The following CNTRL variants were observed in gnomAD, a reference collection of about 807,000 sequenced individuals.
CNTRL encodes the protein centriolin.
In CNTRL, 233 loss-of-function variants were observed where a neutral mutation model predicts 303.7. The observed-to-expected ratio is 0.77, with a 90% CI of 0.69 to 0.86. The LOEUF (loss-of-function observed/expected upper bound fraction) is 0.86, where lower values mean the gene tolerates loss of function less well. Among genes scored for constraint, CNTRL ranks in the 40% least tolerant of loss-of-function variants. The pLI is 0.00. For missense variants in CNTRL, 2,524 were observed against 2,650.6 expected (o/e 0.95, Z 1.05); for synonymous variants, 900 against 922.2 (o/e 0.98, Z 0.44).
At chr9:121,103,706 A>G (rs1015556816) in intron 7 of CNTRL, among the ~76,000 whole-genome samples, 34 of 152,268 alleles carry the variant, frequency 2.2e-4, no homozygotes, top group African/African-American at 7.2e-4. Flanking sequence ...CAAGAAAAAA[A>G]GCAGCCCCAT....
At chr9:121,083,009 T>C (rs1369415203) in intron 2 of CNTRL, among the ~76,000 whole-genome samples, 3 of 149,502 alleles carry the variant, frequency 2.0e-5, no homozygotes, top group Non-Finnish European at 3.0e-5. Flanking sequence ...AATAAAAATA[T>C]GGTATAAAAT....
At chr9:121,125,615 T>C (rs1038673891) in intron 13 of CNTRL, 101 bp from the exon 14 acceptor site, 5 of 1,031,540 alleles carry the variant, frequency 4.8e-6, no homozygotes, top group Non-Finnish European at 7.3e-6. Flanking sequence ...TAGGAAAGAA[T>C]TGAAAGCTTA....
intron 36 of CNTRL, among the ~76,000 whole-genome samples, chr9:121,166,507 A>T (rs2053097540): frequency 6.6e-6 from 1 of 152,190 alleles, no homozygotes; most frequent in South Asian, 2.1e-4. Context: ...TCCATGACAC[A>T]GATGAGGCCT....
At position 121,097,385 on chromosome 9, in the gene CNTRL, C is replaced by A. The variant is rs1255658856; in HGVS notation, c.621+822C>A. On this transcript the variant is annotated intron_variant, in intron 6 of 43. Transcript: ENST00000373855. Reference sequence around the variant, plus strand: ...TTTGGGGAAAACAATCCCTATACTGCCTCCTTTACAGGGGTATTATGGGGG... The same window carrying A: ...TTTGGGGAAAACAATCCCTATACTGACTCCTTTACAGGGGTATTATGGGGG... Among the ~76,000 whole-genome samples, 4 of 152,050 alleles carry A rather than the reference C, an allele frequency of 2.6e-5. No individual in the cohort carries two copies. In the East Asian group the frequency reaches 7.7e-4, roughly 29 times the overall value.
chr9:121,094,519 A>G (rs964236909), intron 4 of CNTRL, among the ~76,000 whole-genome samples: 10 of 152,194 alleles, frequency 6.6e-5, no homozygotes, highest in Admixed American at 3.3e-4. Flanking sequence ...TAAATTCAAC[A>G]TGAGCTTTGG....
chr9:121,167,725 T>G, intron 37 of CNTRL, 48 bp downstream of exon 37: 3 of 1,518,666 alleles, frequency 2.0e-6, no homozygotes, highest in Non-Finnish European at 1.8e-6. Context: ...TTGTGGCTCA[T>G]GTGAGCCTAT....
intron 1 of CNTRL, among the ~76,000 whole-genome samples, chr9:121,077,255 CT>C (rs2047962158): frequency 6.6e-6 from 1 of 151,918 alleles, no homozygotes; most frequent in African/African-American, 2.4e-5. Context: ...CTTTATCCTG[CT>C]CCTTTACTCG....
At position 121,115,177 on chromosome 9, in the gene CNTRL, G is replaced by A; in HGVS notation, c.1432G>A (p.Glu478Lys). 2 of 1,598,360 alleles carry A rather than the reference G, an allele frequency of 1.3e-6. No homozygotes were observed. Among genetic ancestry groups the A allele is most frequent in the South Asian group, 2.2e-5 (2 of 89,666 alleles). The change falls in exon 11 of 44, where the codon GAA (glutamate) becomes AAA (lysine). Residue 478 changes from glutamate (E) to lysine (K), a missense_variant. By Grantham distance (56) the Glu-to-Lys change is moderately conservative (BLOSUM62 1). Coordinates refer to ENST00000373855, the MANE Select transcript of CNTRL (RefSeq NM_007018.6). Reference protein sequence around the residue: ...LRATEEFKQLEEAIQLKKISE... With the variant: ...LRATEEFKQLKEAIQLKKISE... ...AGCTACTGAAGAATTTAAACAACTG[G>A]AAGAAGCTATACAACTAAAAAAGGT...
chr9:121,117,871 C>T (rs1368302745), intron 11 of CNTRL, among the ~76,000 whole-genome samples: 2 of 151,776 alleles, frequency 1.3e-5, no homozygotes, highest in East Asian at 1.9e-4. Context: ...CCCAGCTACT[C>T]GGGAGGCTGA....
chr9:121,099,428 G>A (rs1440493917), intron 7 of CNTRL, among the ~76,000 whole-genome samples: 1 of 152,170 alleles, frequency 6.6e-6, no homozygotes, highest in Non-Finnish European at 1.5e-5. Context: ...ACCAAAGGTA[G>A]ATAAAACCAC....
chr9:121,104,303 C>T (rs2132843821), intron 7 of CNTRL, among the ~76,000 whole-genome samples: 1 of 152,270 alleles, frequency 6.6e-6, no homozygotes, highest in East Asian at 1.9e-4. Flanking sequence ...CATGTTCTCA[C>T]TCATAGGTGG....
At position 121,118,509 on chromosome 9, in the gene CNTRL, T is replaced by C; in HGVS notation, c.1619T>C (p.Ile540Thr). Residue 540 changes from isoleucine (I) to threonine (T), a missense_variant, in exon 12 of 44, where the codon ATA becomes ACA. Physicochemically the swap from Ile to Thr is moderately conservative, Grantham distance 89. Coordinates refer to ENST00000373855, the MANE Select transcript of CNTRL (RefSeq NM_007018.6). Reference protein sequence around the residue: ...QKEIKDLQIAIDSLDSKDPKH... With the variant: ...QKEIKDLQIATDSLDSKDPKH... Reference sequence around the variant, plus strand: ...GAGATTAAGGACCTGCAAATAGCCATAGATAGCCTGGATTCCAAAGACCCA... The same window carrying C: ...GAGATTAAGGACCTGCAAATAGCCACAGATAGCCTGGATTCCAAAGACCCA... 1 of 1,603,308 alleles carries C rather than the reference T, an allele frequency of 6.2e-7. No homozygotes were observed. The highest frequency in any genetic ancestry group is 8.5e-7 in the Non-Finnish European group (1 of 1,174,652).
intron 13 of CNTRL, 90 bp from the exon 14 acceptor site, chr9:121,125,626 G>C: frequency 8.8e-7 from 1 of 1,131,640 alleles, no homozygotes; most frequent in Non-Finnish European, 1.3e-6. Flanking sequence ...TGAAAGCTTA[G>C]AATTTCACTC....
In CNTRL at chr9:121,131,489, T is replaced by A. The variant is rs2050854496; in HGVS notation, c.2026-4317T>A. 2.0e-5 allele frequency among the ~76,000 whole-genome samples: 3 copies of A among 152,228 alleles called. 1 individual carries two copies. The South Asian group carries it at 6.2e-4, about 31-fold the overall frequency. ...TTTTGCTTTCCATTTGCTTGGTAGA[T>A]CTTCCTCCATTCCTTTATTTTGAAC... On this transcript the variant is annotated intron_variant, in intron 14 of 43. Coordinates refer to ENST00000373855, the MANE Select transcript of CNTRL (RefSeq NM_007018.6).
In CNTRL at chr9:121,113,761, T is replaced by A. The variant is rs750962721; in HGVS notation, c.1345+37T>A. 2.1e-4 allele frequency: 274 copies of A among 1,314,258 alleles called. 2 individuals are homozygous for A. Among genetic ancestry groups the A allele is most frequent in the South Asian group, 1.6e-3 (86 of 54,432 alleles). The allele number at this position is 1,314,258 out of a possible 1,614,324, so 81.4% of individuals were successfully genotyped here. A position where few individuals can be genotyped will look rare whatever the true frequency, so the allele number is the denominator to read the frequency against. On this transcript the variant is annotated intron_variant, in intron 10 of 43. Transcript: ENST00000373855. ...TTATTTTAAATTCTTTAAAAAAAAA[T>A]ATGAAAACATTGAATATGTAGGCCA...
At chr9:121,084,155 G>T (rs1473260044) in intron 2 of CNTRL, among the ~76,000 whole-genome samples, 1 of 152,036 alleles carries the variant, frequency 6.6e-6, no homozygotes, top group Non-Finnish European at 1.5e-5. Context: ...ACTAAGCAAA[G>T]ATAGCATCAT....
intron 6 of CNTRL, among the ~76,000 whole-genome samples, chr9:121,097,481 A>G (rs1010104573): frequency 6.6e-6 from 1 of 152,218 alleles, no homozygotes; most frequent in Non-Finnish European, 1.5e-5. Flanking sequence ...CTAAAGCTAT[A>G]TTCTTTAAGC....
intron 25 of CNTRL, chr9:121,151,991 G>C (rs1178112733): frequency 1.3e-5 from 2 of 155,362 alleles, no homozygotes; most frequent in Non-Finnish European, 2.9e-5. Flanking sequence ...TCTCTTAAAC[G>C]GGTTCTTTTA....
In CNTRL at chr9:121,150,334, A is replaced by G; in HGVS notation, c.3814A>G (p.Asn1272Asp). Residue 1272 changes from asparagine to aspartate, a missense_variant, in exon 25 of 44, where the codon AAT becomes GAT. Physicochemically the swap from Asn to Asp is conservative, Grantham distance 23. Coordinates refer to ENST00000373855, the MANE Select transcript of CNTRL (RefSeq NM_007018.6). ...TGCACCACCTCCTCCCTTGCCAAACAATAGCCGACCTCTCACCCCTGGCAC... is the reference window on the plus strand; with the variant it reads ...TGCACCACCTCCTCCCTTGCCAAACGATAGCCGACCTCTCACCCCTGGCAC... ...LYAPPPPLPN[N>D]SRPLTPGTVV... 6.2e-7 allele frequency: 1 copy of G among 1,614,096 alleles called. No individual in the cohort carries two copies. The highest frequency in any genetic ancestry group is 8.5e-7 in the Non-Finnish European group (1 of 1,180,022).
Sources: allele counts gnomAD v4.1 joint callset (sites outside exome capture counted in the v4.1 genomes callset), GRCh38; gene constraint gnomAD v4.1.1; transcripts MANE v1.5; gene names NCBI Gene and HGNC (gene_info 2026-07-23, HGNC 2026-07-21).